KLRF1: variants seen among roughly 807,000 people sequenced by gnomAD.
KLRF1 encodes the protein killer cell lectin like receptor F1, also known as killer cell lectin-like receptor subfamily F member 1.
A neutral mutation model predicts 30.7 loss-of-function variants in KLRF1; 27 were observed. That is an observed-to-expected ratio of 0.88 (90% CI 0.65 to 1.21). The LOEUF (loss-of-function observed/expected upper bound fraction) is 1.21, where lower values mean the gene tolerates loss of function less well. Ranked by LOEUF, KLRF1 falls within the 50% of genes most tolerant of loss-of-function variation. The pLI is 0.00. For missense variants in KLRF1, 246 were observed against 259.3 expected (o/e 0.95, Z 0.35); for synonymous variants, 92 against 89.3 (o/e 1.03, Z -0.17).
chr12:9,836,894 G>A (rs1239379211), intron 3 of KLRF1, among the ~76,000 whole-genome samples: 1 of 152,072 alleles, frequency 6.6e-6, no homozygotes, highest in Admixed American at 6.6e-5. Flanking sequence ...GTACATGGCA[G>A]TAAACATTAA....
chr12:9,802,814 A>G, the KLRF1 span, among the ~76,000 whole-genome samples: 1 of 152,114 alleles, frequency 6.6e-6, no homozygotes, highest in South Asian at 2.1e-4. Flanking sequence ...ATAAGAGAGG[A>G]CACAAACAAA....
chr12:9,840,730 A>C (rs1346094191), intron 3 of KLRF1, among the ~76,000 whole-genome samples: 1 of 152,114 alleles, frequency 6.6e-6, no homozygotes, highest in Non-Finnish European at 1.5e-5. Context: ...TGTAATGATC[A>C]GTGATGTTAA....
the KLRF1 span, among the ~76,000 whole-genome samples, chr12:9,806,430 G>A: frequency 6.6e-6 from 1 of 151,912 alleles, no homozygotes; most frequent in Non-Finnish European, 1.5e-5. Flanking sequence ...ATGTGTTGAG[G>A]CTAGCCCAGG....
chr12:9,831,078 A>G (rs1867412827), intron 1 of KLRF1, among the ~76,000 whole-genome samples: 1 of 152,096 alleles, frequency 6.6e-6, no homozygotes, highest in African/African-American at 2.4e-5. Context: ...GAAATAATTC[A>G]GTCTGAGTTG....
chr12:9,842,436 G>A lies in KLRF1; in HGVS notation c.587+3G>A. 6.2e-7 allele frequency: 1 copy of A among 1,610,490 alleles called. No homozygotes were observed. Among genetic ancestry groups the A allele is most frequent in the Non-Finnish European group, 8.5e-7 (1 of 1,178,080 alleles). On this transcript the variant is annotated splice_donor_region_variant and intron_variant, in intron 5 of 5. Coordinates refer to ENST00000617889, the MANE Select transcript of KLRF1 (RefSeq NM_016523.3). ...GGTTCTCCAATAGATTCAAAGATGT[G>A]AGTCTTTCTTAAAAGGCAATCTGAT...
chr12:9,836,211 C>G (rs1445042912), intron 3 of KLRF1, among the ~76,000 whole-genome samples: 1 of 151,900 alleles, frequency 6.6e-6, no homozygotes, highest in East Asian at 1.9e-4. Flanking sequence ...TCTGTTTGTC[C>G]TTACCCTACT....
At chr12:9,818,644 T>C in the KLRF1 span, among the ~76,000 whole-genome samples, 48 of 152,318 alleles carry the variant, frequency 3.2e-4, no homozygotes, top group South Asian at 3.9e-3. Flanking sequence ...AATCTGCCCT[T>C]AGGTGACTGG....
At chr12:9,813,700 A>G in the KLRF1 span, among the ~76,000 whole-genome samples, 7 of 152,216 alleles carry the variant, frequency 4.6e-5, no homozygotes, top group Non-Finnish European at 1.0e-4. Flanking sequence ...GAGAAGCGAC[A>G]GGAAAGCTCT....
rs1422514642 is a variant in KLRF1 at position 9,842,310 on chromosome 12, C to T, written c.475-11C>T. The T allele has an allele frequency of 6.2e-7, 1 of 1,609,342 alleles. No homozygotes were observed. Among genetic ancestry groups the T allele is most frequent in the Non-Finnish European group, 8.5e-7 (1 of 1,177,738 alleles). On this transcript the variant is annotated splice_polypyrimidine_tract_variant and intron_variant, in intron 4 of 5. Transcript: ENST00000617889. ...ATATTTTGTTCATTTAGTCCCTCGT[C>T]CACATTTTAGGCTTTTATACAGAAA...
intron 3 of KLRF1, among the ~76,000 whole-genome samples, chr12:9,835,464 G>C (rs1219337179): frequency 6.6e-6 from 1 of 152,046 alleles, no homozygotes; most frequent in Non-Finnish European, 1.5e-5. Context: ...ACCTTTCACT[G>C]TTATTTTCGG....
chr12:9,835,364 G>C (rs760136396), intron 3 of KLRF1, among the ~76,000 whole-genome samples: 16 of 152,064 alleles, frequency 1.1e-4, no homozygotes, highest in Admixed American at 2.0e-4. Flanking sequence ...GCAGCCACCA[G>C]AGGTTGTAAT....
chr12:9,823,081 C>T (rs1867245091), upstream of KLRF1, among the ~76,000 whole-genome samples: 1 of 152,128 alleles, frequency 6.6e-6, no homozygotes, highest in Non-Finnish European at 1.5e-5. Context: ...AGAACCTGAA[C>T]TTGACATTGG....
chr12:9,839,849 A>T (rs1299440830), intron 3 of KLRF1, among the ~76,000 whole-genome samples: 1 of 152,128 alleles, frequency 6.6e-6, no homozygotes, highest in Non-Finnish European at 1.5e-5. Flanking sequence ...TTTTAGGTAT[A>T]TATTTAATAA....
At chr12:9,814,624 G>A in the KLRF1 span, among the ~76,000 whole-genome samples, 2 of 152,204 alleles carry the variant, frequency 1.3e-5, no homozygotes, top group Non-Finnish European at 2.9e-5. Context: ...CAGCCTGTGT[G>A]CACCATCAGG....
At chr12:9,810,982 T>G in the KLRF1 span, among the ~76,000 whole-genome samples, 1 of 151,940 alleles carries the variant, frequency 6.6e-6, no homozygotes, top group Non-Finnish European at 1.5e-5. Context: ...AACCACAGAG[T>G]AAAAGCAGAT....
At chr12:9,841,510 T>C (rs764646284) in intron 3 of KLRF1, among the ~76,000 whole-genome samples, 1 of 152,254 alleles carries the variant, frequency 6.6e-6, no homozygotes, top group East Asian at 1.9e-4. Context: ...ACAAATTATA[T>C]TTTATCTAAT....
At chr12:9,829,977 CT>C (rs1347590383) in intron 1 of KLRF1, among the ~76,000 whole-genome samples, 3 of 152,118 alleles carry the variant, frequency 2.0e-5, no homozygotes, top group African/African-American at 7.2e-5. Flanking sequence ...CCCGATGTAG[CT>C]TTTACGTCTA....
the KLRF1 span, chr12:9,818,030 T>G: frequency 1.8e-4 from 38 of 212,822 alleles, no homozygotes; most frequent in African/African-American, 8.4e-4. Flanking sequence ...ATCATCACCA[T>G]CACTAATAAC....
the KLRF1 span, among the ~76,000 whole-genome samples, chr12:9,819,303 G>GTCC: frequency 6.6e-6 from 1 of 152,286 alleles, no homozygotes; most frequent in South Asian, 2.1e-4. Flanking sequence ...AGCAGGGATT[G>GTCC]TCCGCAGGCC....
Sources: gnomAD v4.1 joint callset for allele counts (sites outside exome capture counted in the v4.1 genomes callset) on GRCh38, gnomAD v4.1.1 for gene constraint, MANE v1.5 for transcripts, NCBI Gene and HGNC (gene_info 2026-07-23, HGNC 2026-07-21) for gene names.